CALN1: variants seen among roughly 807,000 people sequenced by gnomAD.
CALN1 encodes the protein calcium-binding protein 8.
CALN1 carries 17 observed loss-of-function variants against 30.6 expected under a neutral mutation model. The observed-to-expected ratio is 0.56, with a 90% CI of 0.38 to 0.83. The LOEUF (loss-of-function observed/expected upper bound fraction) is 0.83. CALN1 is among the 40% of genes least tolerant of loss of function. The pLI is 0.00. For missense variants in CALN1, 291 were observed against 354.9 expected, an observed-to-expected ratio of 0.82 and a Z score of 1.45; for synonymous variants, 156 against 131.4, an observed-to-expected ratio of 1.19 and a Z score of -1.28.
chr7:72,207,262 T>C (rs1791960506), intron 3 of CALN1, among the ~76,000 whole-genome samples: 1 of 152,118 alleles, frequency 6.6e-6, no homozygotes. Context: ...GAAGAACTTA[T>C]TCTTATCTTG....
chr7:71,995,018 A>C (rs1384294566), intron 5 of CALN1, among the ~76,000 whole-genome samples: 1 of 151,908 alleles, frequency 6.6e-6, no homozygotes. Context: ...ACACCTGGCT[A>C]ATTTTTTATA....
intron 4 of CALN1, among the ~76,000 whole-genome samples, chr7:72,079,810 G>A (rs1244768884): frequency 3.1e-5 from 4 of 128,780 alleles, no homozygotes; most frequent in African/African-American, 3.1e-5. Context: ...TCACTCCGTC[G>A]CCCAGGCTGG....
intron 4 of CALN1, among the ~76,000 whole-genome samples, chr7:72,029,932 C>T (rs145896446): frequency 0.015 from 2,257 of 152,316 alleles, 33 homozygotes; most frequent in Middle Eastern, 0.061. Context: ...CAGGTGGCCA[C>T]GTGGACTTTG....
At chr7:72,124,028 A>G (rs1006092696) in intron 3 of CALN1, among the ~76,000 whole-genome samples, 2 of 152,194 alleles carry the variant, frequency 1.3e-5, no homozygotes, top group African/African-American at 4.8e-5. Context: ...TAGGAATTCT[A>G]TCTACCAGAA....
At chr7:72,349,236 A>G (rs1802796122) in intron 2 of CALN1, among the ~76,000 whole-genome samples, 1 of 151,964 alleles carries the variant, frequency 6.6e-6, no homozygotes, top group Non-Finnish European at 1.5e-5. Flanking sequence ...GTTCGATTTT[A>G]ATACCTAAAG....
intron 2 of CALN1, among the ~76,000 whole-genome samples, chr7:72,323,875 C>G (rs2129557497): frequency 6.6e-6 from 1 of 151,942 alleles, no homozygotes; most frequent in South Asian, 2.1e-4. Context: ...GAAACCCCAT[C>G]TGTACAAAAA....
chr7:71,869,158 T>C (rs1933316742), intron 5 of CALN1, among the ~76,000 whole-genome samples: 1 of 151,998 alleles, frequency 6.6e-6, no homozygotes, highest in Non-Finnish European at 1.5e-5. Flanking sequence ...ATACAGCTGC[T>C]AGAGATCTGT....
chr7:72,284,394 G>A (rs993406598), intron 2 of CALN1, among the ~76,000 whole-genome samples: 2 of 152,200 alleles, frequency 1.3e-5, no homozygotes, highest in Non-Finnish European at 2.9e-5. Flanking sequence ...ACTTGACTGG[G>A]CCATGGGTTG....
rs149714906 is a variant in CALN1, at chr7:72,004,616, G to T, written c.501+19041C>A. Reference sequence around the variant, plus strand: ...AAAGATAAACTACACACTTGCAGAAGACATTTGCAAACAACATATCTGACC... The same window carrying T: ...AAAGATAAACTACACACTTGCAGAATACATTTGCAAACAACATATCTGACC... On this transcript the variant is annotated intron_variant, in intron 5 of 6. Coordinates refer to ENST00000395275, the MANE Select transcript of CALN1 (RefSeq NM_031468.4). Among the ~76,000 whole-genome samples, 179 of 152,156 alleles carry T rather than the reference G, an allele frequency of 1.2e-3. 1 individual carries two copies. Among genetic ancestry groups the T allele is most frequent in the African/African-American group, 4.0e-3 (167 of 41,518 alleles).
chr7:72,105,062 T>C (rs1191084191), intron 4 of CALN1, among the ~76,000 whole-genome samples: 2 of 149,636 alleles, frequency 1.3e-5, no homozygotes, highest in Admixed American at 1.3e-4. Context: ...GAACATGTGG[T>C]GCTTGGCGTT....
chr7:72,189,568 T>C (rs1790456983), intron 3 of CALN1, among the ~76,000 whole-genome samples: 1 of 151,992 alleles, frequency 6.6e-6, no homozygotes, highest in Non-Finnish European at 1.5e-5. Flanking sequence ...AGGCCATGAG[T>C]TCAAGACCAG....
intron 2 of CALN1, among the ~76,000 whole-genome samples, chr7:72,329,475 C>G (rs1335960492): frequency 6.6e-6 from 1 of 152,170 alleles, no homozygotes; most frequent in Non-Finnish European, 1.5e-5. Flanking sequence ...TGAGCTAGCC[C>G]CCATCTCTCT....
At chr7:72,430,692 A>C (rs1807944901) in intron 1 of CALN1, among the ~76,000 whole-genome samples, 1 of 152,126 alleles carries the variant, frequency 6.6e-6, no homozygotes, top group Non-Finnish European at 1.5e-5. Context: ...ACCAATCAGA[A>C]GCAATGCCAG....
intron 4 of CALN1, among the ~76,000 whole-genome samples, chr7:72,048,487 A>G (rs964488506): frequency 1.3e-5 from 2 of 152,238 alleles, no homozygotes; most frequent in Non-Finnish European, 2.9e-5. Context: ...GGGCAGAAAG[A>G]GAAGCCATTG....
chr7:72,208,060 A>G (rs1475425976), intron 3 of CALN1, among the ~76,000 whole-genome samples: 1 of 152,218 alleles, frequency 6.6e-6, no homozygotes, highest in Non-Finnish European at 1.5e-5. Context: ...CCAATAAAAC[A>G]GAGAGGCTTT....
At chr7:72,358,126 G>C (rs867606859) in intron 2 of CALN1, among the ~76,000 whole-genome samples, 1 of 151,736 alleles carries the variant, frequency 6.6e-6, no homozygotes, top group Admixed American at 6.6e-5. Context: ...CAAAGTGCCG[G>C]GGTTATAGGT....
At chr7:72,278,874 C>G (rs1178541087) in intron 2 of CALN1, 64 bp from the exon 3 acceptor site, 1 of 1,562,074 alleles carries the variant, frequency 6.4e-7, no homozygotes, top group African/African-American at 1.4e-5. Context: ...CCTTTCCTTT[C>G]TTAAAGGACC....
intron 3 of CALN1, among the ~76,000 whole-genome samples, chr7:72,235,863 C>T (rs940773430): frequency 3.9e-5 from 6 of 151,928 alleles, no homozygotes; most frequent in African/African-American, 1.2e-4. Context: ...TGTACTTGCA[C>T]CCTCTGCAAA....
intron 2 of CALN1, among the ~76,000 whole-genome samples, chr7:72,317,859 C>T (rs185550720): frequency 6.6e-6 from 1 of 151,986 alleles, no homozygotes; most frequent in Non-Finnish European, 1.5e-5. Context: ...AGAATGTCCT[C>T]GCAACAGATG....
Sources: gnomAD v4.1 joint callset for allele counts (sites outside exome capture counted in the v4.1 genomes callset) on GRCh38, gnomAD v4.1.1 for gene constraint, MANE v1.5 for transcripts, NCBI Gene and HGNC (gene_info 2026-07-23, HGNC 2026-07-21) for gene names.